CUL4B: variants seen among roughly 807,000 people sequenced by gnomAD.
CUL4B encodes the protein cullin 4B.
Under a neutral mutation model 69.2 loss-of-function variants are expected in CUL4B, and 1 was observed. The observed-to-expected ratio is 0.01, with a 90% CI of 0.01 to 0.07. The LOEUF (loss-of-function observed/expected upper bound fraction) is 0.07. Among genes scored for constraint, CUL4B ranks in the 10% least tolerant of loss-of-function variants. The pLI is 1.00. For missense variants in CUL4B, 328 were observed against 638.8 expected (o/e 0.51, Z 5.24); for synonymous variants, 237 against 223.2 (o/e 1.06, Z -0.55).
chrX:120,542,255 G>T (rs1164327569), intron 9 of CUL4B, among the ~76,000 whole-genome samples: 1 of 111,295 alleles, frequency 9.0e-6, no homozygotes, highest in Non-Finnish European at 1.9e-5. Flanking sequence ...TTATATTTCA[G>T]AATACTGGAT....
intron 10 of CUL4B, 33 bp downstream of exon 10, chrX:120,541,569 A>T: frequency 1.1e-6 from 1 of 933,918 alleles, no homozygotes. Context: ...GATAAGCCAT[A>T]AGAGAGAAAA....
intron 1 of CUL4B, chrX:120,574,693 T>G: frequency 1.2e-6 from 1 of 829,961 alleles, no homozygotes; most frequent in Non-Finnish European, 1.8e-6. Context: ...TATAGTGTTA[T>G]GAATTCATTG....
intron 2 of CUL4B, among the ~76,000 whole-genome samples, chrX:120,552,319 T>C (rs1025631471): frequency 1.8e-5 from 2 of 112,133 alleles, no homozygotes; most frequent in African/African-American, 3.2e-5. Context: ...GGCTGAATTT[T>C]GTATTTTTGG....
chrX:120,532,351 T>C lies in CUL4B; in HGVS notation c.2439+71A>G, dbSNP rs759521221. 16 of 842,259 alleles carry C rather than the reference T, an allele frequency of 1.9e-5. No individual in the cohort carries two copies. In the African/African-American group the frequency reaches 2.2e-4, roughly 12 times the overall value. 69.4% of individuals were successfully genotyped at this position (842,259 alleles called of 1,213,427 possible). On this transcript the variant is annotated intron_variant, in intron 18 of 19. Coordinates refer to ENST00000371322, the MANE Select transcript of CUL4B (RefSeq NM_001079872.2). Reference sequence around the variant, plus strand: ...ATTGGCAGTATTACAGGTATAAAAATCTTTATATATTTTGATTATTAACAT... The same window carrying C: ...ATTGGCAGTATTACAGGTATAAAAACCTTTATATATTTTGATTATTAACAT...
chrX:120,560,751 G>C lies in CUL4B; in HGVS notation c.-113C>G. On this transcript the variant is annotated 5_prime_UTR_variant, in exon 1 of 20. Coordinates refer to ENST00000371322, the MANE Select transcript of CUL4B (RefSeq NM_001079872.2). ...GAGGGGGAAGGGAAGAAAGAAGAGA[G>C]GAGAAACACAGAGGACGAGAAGGAA... 1.1e-6 allele frequency: 1 copy of C among 901,317 alleles called. No individual in the cohort carries two copies. The highest frequency in any genetic ancestry group is 1.4e-6 in the Non-Finnish European group (1 of 716,370). The allele number at this position is 901,317 out of a possible 1,213,427, so 74.3% of individuals were successfully genotyped here.
At chrX:120,566,087 C>T (rs1306273187), upstream of CUL4B, among the ~76,000 whole-genome samples, 18 of 107,333 alleles carry the variant, frequency 1.7e-4, no homozygotes, top group African/African-American at 5.8e-4. Context: ...CAGGAAAGTA[C>T]AGAGAAGGCA....
Position 120,537,028 on chromosome X carries a change from G to C in CUL4B, c.1945C>G (p.Gln649Glu), listed in dbSNP as rs1402727679. 1 of 1,155,295 alleles carries C rather than the reference G, an allele frequency of 8.7e-7. No homozygotes were observed. Among genetic ancestry groups the C allele is most frequent in the Admixed American group, 2.2e-5 (1 of 45,921 alleles). ...DIMIQFKQYM[Q>E]NQNVPGNIEL... is the part of the protein sequence containing the mutation. Reference sequence around the variant, plus strand: ...ATATTTCCCGGAACATTCTGATTCTGCATATACTATAAGAAGATCAAAACA... The same window carrying C: ...ATATTTCCCGGAACATTCTGATTCTCCATATACTATAAGAAGATCAAAACA... Residue 649 changes from glutamine (Q) to glutamate (E), a missense_variant, in exon 15 of 20, where the codon CAG becomes GAG. Around this residue, in one of 4 missense-constraint regions of CUL4B, gnomAD observed 98 missense variants for 296.8 expected, o/e 0.33. Transcript: ENST00000371322.
rs1169004024 is a variant in CUL4B at position 120,544,543 on chromosome X, T to C, written c.1021A>G (p.Asn341Asp). Reference protein sequence around the residue: ...GILLLIERERNGEAIDRSLLR... With the variant: ...GILLLIERERDGEAIDRSLLR... The stretch of plus-strand genomic sequence containing the variant: ...AAACTTCTATCAATTGCTTCACCAT[T>C]CCTTTCCCTCTCAATCAAGAGAAGA... The change falls in exon 6 of 20, where the codon AAT (asparagine) becomes GAT (aspartate). Residue 341 changes from asparagine (N) to aspartate (D), a missense_variant. This residue lies in a region of CUL4B where 126 missense variants were observed against 202.5 expected (regional missense o/e 0.62). Transcript: ENST00000371322. 8.3e-7 allele frequency: 1 copy of C among 1,210,423 alleles called. No individual in the cohort carries two copies.
At chrX:120,532,753 C>A (rs773104825) in intron 17 of CUL4B, among the ~76,000 whole-genome samples, 159 bp from the exon 18 acceptor site, 1 of 111,675 alleles carries the variant, frequency 9.0e-6, no homozygotes, top group Admixed American at 9.5e-5. Context: ...GGCTTTTTTC[C>A]TAGTCCTCTT....
intron 14 of CUL4B, among the ~76,000 whole-genome samples, chrX:120,537,481 G>T (rs975676190): frequency 7.4e-4 from 82 of 110,610 alleles, no homozygotes; most frequent in Non-Finnish European, 6.4e-4. Context: ...GTGACCTGGA[G>T]TAGGGAAGGA....
At chrX:120,548,419 G>A (rs112463857) in intron 2 of CUL4B, among the ~76,000 whole-genome samples, 130 of 112,136 alleles carry the variant, frequency 1.2e-3, no homozygotes, top group African/African-American at 4.0e-3. Context: ...TTACTTAAAC[G>A]TTCTTGGATT....
chrX:120,524,705 G>C lies in CUL4B; in HGVS notation c.*2056C>G, dbSNP rs1470674123. On this transcript the variant is annotated 3_prime_UTR_variant, in exon 20 of 20. Coordinates refer to ENST00000371322, the MANE Select transcript of CUL4B (RefSeq NM_001079872.2). ...ATTCAACTGATACAGAACAACAACTGAAAGTCACAATTATCCAATGTAGTT... is the reference window on the plus strand; with the variant it reads ...ATTCAACTGATACAGAACAACAACTCAAAGTCACAATTATCCAATGTAGTT... 1 of 111,549 alleles carries C rather than the reference G, an allele frequency of 9.0e-6. No individual in the cohort carries two copies. Among genetic ancestry groups the C allele is most frequent in the African/African-American group, 3.3e-5 (1 of 30,667 alleles). The allele number at this position is 111,549 out of a possible 1,213,427, so 9.2% of individuals were successfully genotyped here.
downstream of CUL4B, among the ~76,000 whole-genome samples, chrX:120,569,301 AGG>A (rs1925644401): frequency 9.0e-6 from 1 of 111,125 alleles, no homozygotes; most frequent in South Asian, 3.8e-4. Context: ...TTGGCAATGT[AGG>A]TTTAGAGCTA....
At chrX:120,573,402 A>G (rs1267405993) in intron 2 of CUL4B, among the ~76,000 whole-genome samples, 1 of 112,037 alleles carries the variant, frequency 8.9e-6, no homozygotes, top group Non-Finnish European at 1.9e-5. Context: ...TGTGACTACA[A>G]ACATGCTCCA....
upstream of CUL4B, among the ~76,000 whole-genome samples, chrX:120,565,276 G>A (rs1925458979): frequency 9.1e-6 from 1 of 110,217 alleles, no homozygotes; most frequent in African/African-American, 3.3e-5. Flanking sequence ...CCAATGGGTG[G>A]GATTTTCCTT....
chrX:120,537,801 T>C (rs1417831746), intron 14 of CUL4B, among the ~76,000 whole-genome samples: 4 of 111,814 alleles, frequency 3.6e-5, no homozygotes, highest in Non-Finnish European at 5.6e-5. Context: ...TCTCTCCCCA[T>C]TGCAAGCTCT....
intron 2 of CUL4B, among the ~76,000 whole-genome samples, chrX:120,547,960 A>G (rs1451390734): frequency 9.0e-6 from 1 of 110,667 alleles, no homozygotes; most frequent in Non-Finnish European, 1.9e-5. Context: ...CTTACTCCTC[A>G]GCTTGCAGAC....
chrX:120,565,173 A>G (rs1020546106), upstream of CUL4B, among the ~76,000 whole-genome samples: 1 of 110,375 alleles, frequency 9.1e-6, no homozygotes, highest in Non-Finnish European at 1.9e-5. Flanking sequence ...AGGACGCCAT[A>G]CAGTTATAGC....
At chrX:120,528,340 G>A (rs1205850167) in intron 19 of CUL4B, among the ~76,000 whole-genome samples, 1 of 108,698 alleles carries the variant, frequency 9.2e-6, no homozygotes, top group Non-Finnish European at 1.9e-5. Flanking sequence ...CCGGGAGGTG[G>A]AGGTTGTAGT....
Sources: allele counts gnomAD v4.1 joint callset (sites outside exome capture counted in the v4.1 genomes callset), GRCh38; gene constraint gnomAD v4.1.1; regional missense constraint gnomAD v4.1.1; transcripts MANE v1.5; gene names NCBI Gene and HGNC (gene_info 2026-07-23, HGNC 2026-07-21).